FKTN: variants seen among roughly 807,000 people sequenced by gnomAD.
The protein encoded by FKTN is fukutin, also known as ribitol-5-phosphate transferase FKTN.
FKTN carries 47 observed loss-of-function variants against 58.6 expected under a neutral mutation model. The ratio of observed to expected loss-of-function variants is 0.80; its 90% CI spans 0.63 to 1.02. The LOEUF (loss-of-function observed/expected upper bound fraction) is 1.02, where lower values mean the gene tolerates loss of function less well. Among genes scored for constraint, FKTN ranks in the 50% least tolerant of loss-of-function variants. FKTN has a pLI of 0.00. For missense variants in FKTN, 516 were observed against 537.3 expected, an observed-to-expected ratio of 0.96 and a Z score of 0.39; for synonymous variants, 178 against 191.9, an observed-to-expected ratio of 0.93 and a Z score of 0.60.
intron 8 of FKTN, among the ~76,000 whole-genome samples, chr9:105,616,631 G>A (rs1588194519): frequency 1.3e-5 from 2 of 152,040 alleles, no homozygotes; most frequent in East Asian, 3.9e-4. Context: ...GTTAATTATA[G>A]CTGTATTTGC....
chr9:105,604,560 T>C, intron 6 of FKTN, 68 bp downstream of exon 6: 16 of 1,229,932 alleles, frequency 1.3e-5, no homozygotes, highest in Non-Finnish European at 1.9e-5. Flanking sequence ...GCAGTGTTTT[T>C]ACATTTGAGT....
chr9:105,635,064 A>C lies in FKTN; in HGVS notation c.1186A>C (p.Lys396Gln), dbSNP rs1477740717. ...GTTTTGCTGCAGATACCTGTTTCCG[A>C]AGTTTACACTGTGCTGGACTGAGTT... The part of the protein sequence containing the change: ...TGKKFKYLFP[K>Q]FTLCWTEFVD... The change falls in exon 11 of 11, where the codon AAG becomes CAG. Residue 396 changes from lysine to glutamine, a missense_variant. Coordinates refer to ENST00000357998, the MANE Select transcript of FKTN (RefSeq NM_001079802.2). 5.6e-6 allele frequency: 9 copies of C among 1,614,032 alleles called. No individual in the cohort carries two copies. The highest frequency in any genetic ancestry group is 1.3e-5 in the African/African-American group (1 of 74,932).
chr9:105,633,647 G>C (rs893012829), intron 10 of FKTN, among the ~76,000 whole-genome samples: 2 of 152,210 alleles, frequency 1.3e-5, no homozygotes, highest in African/African-American at 2.4e-5. Flanking sequence ...GATTTTCCGT[G>C]GCCACCTTTT....
At chr9:105,620,237 T>C in intron 10 of FKTN, 176 bp downstream of exon 10, 1 of 546,118 alleles carries the variant, frequency 1.8e-6, no homozygotes, top group Non-Finnish European at 3.2e-6. Flanking sequence ...AGAATACCTG[T>C]AAGGACGGTT....
chr9:105,578,291 A>G (rs1378384315), intron 3 of FKTN, among the ~76,000 whole-genome samples: 2 of 148,586 alleles, frequency 1.3e-5, no homozygotes, highest in Non-Finnish European at 3.0e-5. Flanking sequence ...ATTCAGTATG[A>G]TATTGGCTGT....
chr9:105,600,796 G>A (rs1827738363), intron 4 of FKTN: 1 of 179,844 alleles, frequency 5.6e-6, no homozygotes, highest in Non-Finnish European at 1.2e-5. Context: ...AATTTTTTAA[G>A]CACCACATTT....
chr9:105,639,722 C>A lies in FKTN; in HGVS notation c.*4458C>A, dbSNP rs565868913. 6.7e-5 allele frequency: 64 copies of A among 958,972 alleles called. No homozygotes were observed. The South Asian group carries it at 1.8e-3, about 27-fold the overall frequency. The allele number at this position is 958,972 out of a possible 1,614,324, so 59.4% of individuals were successfully genotyped here. On this transcript the variant is annotated 3_prime_UTR_variant, in exon 11 of 11. Coordinates refer to ENST00000357998, the MANE Select transcript of FKTN (RefSeq NM_001079802.2). Reference sequence around the variant, plus strand: ...TAATACAATATATGGTTTGTGAATTCAGAGACATTACCAGTTTGCCTCCTT... The same window carrying A: ...TAATACAATATATGGTTTGTGAATTAAGAGACATTACCAGTTTGCCTCCTT...
At chr9:105,613,700 T>G (rs1180944022) in intron 7 of FKTN, among the ~76,000 whole-genome samples, 1 of 152,198 alleles carries the variant, frequency 6.6e-6, no homozygotes, top group Non-Finnish European at 1.5e-5. Context: ...AATTGATGAT[T>G]AGGAATAAAT....
In FKTN at chr9:105,625,479, G is replaced by C. The variant is rs868749371; in HGVS notation, c.1172+5418G>C. Among the ~76,000 whole-genome samples the C allele has an allele frequency of 3.9e-5, 6 of 152,190 alleles. No individual in the cohort carries two copies. The South Asian group carries it at 1.2e-3, about 31-fold the overall frequency. ...TCTCTCTCATAAGGCTTTTGGTGGA[G>C]AATGTAGTAAGACACAAGTCCTGTT... On this transcript the variant is annotated intron_variant, in intron 10 of 10. Transcript: ENST00000357998.
At chr9:105,592,723 G>A (rs1157853032) in intron 3 of FKTN, among the ~76,000 whole-genome samples, 1 of 152,084 alleles carries the variant, frequency 6.6e-6, no homozygotes, top group East Asian at 1.9e-4. Flanking sequence ...CTAGGGCCAG[G>A]GCACAATGCA....
intron 7 of FKTN, among the ~76,000 whole-genome samples, chr9:105,609,666 C>T (rs1342989863): frequency 2.6e-5 from 4 of 152,104 alleles, no homozygotes; most frequent in African/African-American, 9.7e-5. Flanking sequence ...ATGTTTTGTG[C>T]AGTGTCCCTC....
At chr9:105,628,454 C>T (rs1833006088) in intron 10 of FKTN, among the ~76,000 whole-genome samples, 1 of 151,756 alleles carries the variant, frequency 6.6e-6, no homozygotes, top group Admixed American at 6.6e-5. Flanking sequence ...GAGAAGATTG[C>T]CTCCAGATGA....
In FKTN at chr9:105,618,071, G is replaced by A. The variant is rs146967918; in HGVS notation, c.1023G>A (p.Pro341=). The A allele has an allele frequency of 5.2e-4, 844 of 1,612,126 alleles. 3 individuals carry two copies. Among genetic ancestry groups the A allele is most frequent in the Non-Finnish European group, 2.0e-4 (238 of 1,178,282 alleles). ...IILAFQDAGL[P]LKHKFGKVED... ...TAGCATTTCAGGATGCAGGACTTCCGCTCAAACACAAATTTGGGAAGGTCA... is the reference window on the plus strand; with the variant it reads ...TAGCATTTCAGGATGCAGGACTTCCACTCAAACACAAATTTGGGAAGGTCA... The change falls in exon 9 of 11, where the codon CCG becomes CCA. Residue 341 remains proline (P), a synonymous_variant. Coordinates refer to ENST00000357998, the MANE Select transcript of FKTN (RefSeq NM_001079802.2).
At chr9:105,593,059 C>T (rs1479313378) in intron 3 of FKTN, among the ~76,000 whole-genome samples, 2 of 152,154 alleles carry the variant, frequency 1.3e-5, no homozygotes, top group Non-Finnish European at 2.9e-5. Flanking sequence ...AAAGAAACAC[C>T]TAAGACTGGG....
intron 9 of FKTN, among the ~76,000 whole-genome samples, chr9:105,618,341 AT>A (rs1439995531): frequency 3.3e-5 from 5 of 152,192 alleles, no homozygotes; most frequent in African/African-American, 1.2e-4. Flanking sequence ...TTTTGCACCA[AT>A]AATGATAAGA....
rs145443803 is a variant in FKTN, at chr9:105,570,742, T to G, written c.-180-2913T>G. Among the ~76,000 whole-genome samples the G allele has an allele frequency of 8.6e-3, 1,303 of 152,294 alleles. 13 individuals are homozygous for G. The highest frequency in any genetic ancestry group is 0.024 in the Middle Eastern group (7 of 294). ...ATTAAGGTAGACAGTAACTGTTTAT[T>G]TGTTGCAGGAAGGTAAAACTAGGTT... On this transcript the variant is annotated intron_variant, in intron 1 of 10. Transcript: ENST00000357998.
At chr9:105,590,356 AG>A (rs1588001816) in intron 3 of FKTN, among the ~76,000 whole-genome samples, 2 of 152,206 alleles carry the variant, frequency 1.3e-5, no homozygotes, top group East Asian at 3.9e-4. Context: ...AGGCCTCCCC[AG>A]CTACTTGGAA....
chr9:105,584,870 A>G (rs765491919), intron 3 of FKTN, among the ~76,000 whole-genome samples: 11 of 152,096 alleles, frequency 7.2e-5, no homozygotes, highest in Non-Finnish European at 1.5e-4. Context: ...TTTGTAGCCC[A>G]GTAATTGTAT....
intron 5 of FKTN, among the ~76,000 whole-genome samples, chr9:105,602,079 G>T (rs1164051383): frequency 6.6e-6 from 1 of 152,134 alleles, no homozygotes; most frequent in Non-Finnish European, 1.5e-5. Context: ...GAATGATATT[G>T]TTGTTGGCAA....
Sources: gnomAD v4.1 joint callset for allele counts (sites outside exome capture counted in the v4.1 genomes callset) on GRCh38, gnomAD v4.1.1 for gene constraint, MANE v1.5 for transcripts, NCBI Gene and HGNC (gene_info 2026-07-23, HGNC 2026-07-21) for gene names.